The following SLTM variants were observed in gnomAD, a reference collection of about 807,000 sequenced individuals.
SLTM encodes SAFB like transcription modulator, also known as SAFB-like transcription modulator.
A neutral mutation model predicts 134.6 loss-of-function variants in SLTM; 43 were observed. That is an observed-to-expected ratio of 0.32 (90% CI 0.25 to 0.41). SLTM has a LOEUF of 0.41. SLTM is among the 10% of genes least tolerant of loss of function. The pLI is 1.00. For synonymous variants in SLTM, 424 were observed against 432.3 expected, an observed-to-expected ratio of 0.98 and a Z score of 0.24; for missense variants, 1,055 against 1,288.8, an observed-to-expected ratio of 0.82 and a Z score of 2.78.
intron 5 of SLTM, among the ~76,000 whole-genome samples, chr15:58,911,688 T>C (rs2036278303): frequency 2.0e-5 from 3 of 152,198 alleles, no homozygotes; most frequent in Admixed American, 6.5e-5. Flanking sequence ...TAGAAACTGA[T>C]CTATAGATGT....
rs538795846 is a variant in SLTM, at chr15:58,917,154, A to C, written c.251-155T>G. ...TAAACCACCTGCTCAGAGCTGTCCC[A>C]AACAAAAAAAGCTTTCCTATGTCAT... On this transcript the variant is annotated intron_variant, in intron 2 of 20. Coordinates refer to ENST00000380516, the MANE Select transcript of SLTM (RefSeq NM_024755.4). 713 of 628,964 alleles carry C rather than the reference A, an allele frequency of 1.1e-3. 2 individuals are homozygous for C. The highest frequency in any genetic ancestry group is 1.5e-3 in the Non-Finnish European group (570 of 368,414). The allele number at this position is 628,964 out of a possible 1,614,324, so 39.0% of individuals were successfully genotyped here.
chr15:58,907,379 T>C (rs78733923), intron 5 of SLTM, among the ~76,000 whole-genome samples: 3,366 of 152,254 alleles, frequency 0.022, 66 homozygotes, highest in Non-Finnish European at 0.034. Flanking sequence ...CCAAATACTT[T>C]GGGAGGCCGA....
intron 5 of SLTM, among the ~76,000 whole-genome samples, chr15:58,907,090 G>C (rs2035914000): frequency 6.6e-6 from 1 of 152,132 alleles, no homozygotes; most frequent in African/African-American, 2.4e-5. Context: ...TAAGGTAATG[G>C]ATATAAAAAG....
chr15:58,932,193 CA>C, intron 2 of SLTM, 162 bp downstream of exon 2: 1 of 595,996 alleles, frequency 1.7e-6, no homozygotes, highest in South Asian at 2.0e-5. Flanking sequence ...ACAAGTCACC[CA>C]AAGCCTGGCA....
chr15:58,899,380 C>T lies in SLTM; in HGVS notation c.1058+89G>A, dbSNP rs1224706434. 4 of 1,006,688 alleles carry T rather than the reference C, an allele frequency of 4.0e-6. No individual in the cohort carries two copies. The highest frequency in any genetic ancestry group is 1.5e-6 in the Non-Finnish European group (1 of 658,790). The allele number at this position is 1,006,688 out of a possible 1,614,324, so 62.4% of individuals were successfully genotyped here. A position where few individuals can be genotyped will look rare whatever the true frequency, so the allele number is the denominator to read the frequency against. On this transcript the variant is annotated intron_variant, in intron 7 of 20. Coordinates refer to ENST00000380516, the MANE Select transcript of SLTM (RefSeq NM_024755.4). This position sits in a 1 kb window ranked among gnomAD's most constrained non-coding sequence, Gnocchi z 5.0. ...GGATCATAAGACACTAATTACTGTA[C>T]ATGTTCTTGAAGCCACCCCCTTAAT...
At chr15:58,913,246 T>C (rs1301091090) in intron 4 of SLTM, among the ~76,000 whole-genome samples, 7 of 152,126 alleles carry the variant, frequency 4.6e-5, no homozygotes, top group African/African-American at 1.7e-4. Context: ...ATTATGAAAT[T>C]ATACGTCATG....
intron 2 of SLTM, among the ~76,000 whole-genome samples, chr15:58,920,981 A>T (rs1466316604): frequency 3.9e-5 from 6 of 152,276 alleles, no homozygotes; most frequent in African/African-American, 1.4e-4. Context: ...AAAAATTTTT[A>T]AAATAAAGGT....
intron 3 of SLTM, among the ~76,000 whole-genome samples, chr15:58,914,495 G>C (rs1036080566): frequency 6.6e-6 from 1 of 152,230 alleles, no homozygotes; most frequent in Admixed American, 6.5e-5. Flanking sequence ...GGTGGGCATA[G>C]AGAATATGAC....
intron 2 of SLTM, among the ~76,000 whole-genome samples, chr15:58,924,672 A>T (rs1049393417): frequency 6.6e-6 from 1 of 152,168 alleles, no homozygotes; most frequent in Non-Finnish European, 1.5e-5. Context: ...TTGGATGATA[A>T]ATTGGCTTTC....
intron 14 of SLTM, among the ~76,000 whole-genome samples, 159 bp downstream of exon 14, chr15:58,892,738 G>C (rs570278908): frequency 1.3e-5 from 2 of 152,324 alleles, no homozygotes; most frequent in South Asian, 2.1e-4. Context: ...AAATTGTAAA[G>C]TGCTATGCAA....
chr15:58,906,493 A>G (rs1400834139), intron 5 of SLTM, among the ~76,000 whole-genome samples: 2 of 152,218 alleles, frequency 1.3e-5, no homozygotes, highest in African/African-American at 4.8e-5. Context: ...AGAGACAAAG[A>G]CAAGCCTAGG....
chr15:58,925,373 T>C (rs961356720), intron 2 of SLTM, among the ~76,000 whole-genome samples: 2 of 152,230 alleles, frequency 1.3e-5, no homozygotes, highest in Non-Finnish European at 2.9e-5. Context: ...GGTCTTACTC[T>C]ATTGCCCAGG....
intron 3 of SLTM, among the ~76,000 whole-genome samples, chr15:58,914,036 T>C (rs891695756): frequency 6.6e-6 from 1 of 152,236 alleles, no homozygotes; most frequent in African/African-American, 2.4e-5. Context: ...ATGTGCCATA[T>C]GTTGATTTAA....
At chr15:58,898,731 C>A (rs10518991) in intron 8 of SLTM, 72 bp downstream of exon 8, 1 of 1,153,746 alleles carries the variant, frequency 8.7e-7, no homozygotes, top group Non-Finnish European at 1.3e-6. Flanking sequence ...AAGAAAACAC[C>A]GCGCAACTAC....
chr15:58,928,674 A>T (rs1841585782), intron 2 of SLTM, among the ~76,000 whole-genome samples: 1 of 152,182 alleles, frequency 6.6e-6, no homozygotes, highest in South Asian at 2.1e-4. Context: ...GTTATTTTAT[A>T]AAAGAATAAG....
chr15:58,879,735 A>G lies in SLTM; in HGVS notation c.*264T>C. The G allele has an allele frequency of 5.9e-6, 2 of 338,234 alleles. No individual in the cohort carries two copies. Among genetic ancestry groups the G allele is most frequent in the Non-Finnish European group, 1.1e-5 (2 of 184,960 alleles). The allele number at this position is 338,234 out of a possible 1,614,324, so 21.0% of individuals were successfully genotyped here. On this transcript the variant is annotated 3_prime_UTR_variant, in exon 21 of 21. Coordinates refer to ENST00000380516, the MANE Select transcript of SLTM (RefSeq NM_024755.4). Reference sequence around the variant, plus strand: ...ACTCTTTATATTCACACAGCGTTAAACAAAACGACTTCAATTCCATCTTTT... The same window carrying G: ...ACTCTTTATATTCACACAGCGTTAAGCAAAACGACTTCAATTCCATCTTTT...
intron 6 of SLTM, 142 bp from the exon 7 acceptor site, chr15:58,900,079 G>A: frequency 7.8e-6 from 5 of 643,278 alleles, no homozygotes; most frequent in Admixed American, 6.0e-5. Flanking sequence ...AAAACACAAG[G>A]GTATTAACTA....
Position 58,899,706 on chromosome 15 carries a change from GA to G in SLTM, c.820del (p.Ser274LeufsTer26). On this transcript the variant is annotated frameshift_variant, in exon 7 of 21. Transcript: ENST00000380516. LOFTEE classifies it high-confidence loss of function. The surrounding 1 kb of genome is among the most constrained non-coding windows in gnomAD (Gnocchi z 5.0). The stretch of plus-strand genomic sequence containing the variant: ...CCCATCTTTTGGCTTACTTGCTTCA[GA>G]ATCTGTAATTTTCACATTTTTACCT... ...ETGKNVKITD[S>X]EASKPKDGQD... 6.2e-7 allele frequency: 1 copy of G among 1,614,100 alleles called. No homozygotes were observed. The highest frequency in any genetic ancestry group is 8.5e-7 in the Non-Finnish European group (1 of 1,179,994).
In SLTM at chr15:58,883,458, C is replaced by T. The variant is rs1448948152; in HGVS notation, c.2996+168G>A. 16 of 798,898 alleles carry T rather than the reference C, an allele frequency of 2.0e-5. 1 individual carries two copies. In the South Asian group the frequency reaches 2.2e-4, roughly 11 times the overall value. 49.5% of individuals were successfully genotyped at this position (798,898 alleles called of 1,614,324 possible). ...ATACAAACTAACACATTAATATCAG[C>T]TGTTCTGCAAACACTCTTTTGGAGA... is the stretch of plus-strand genomic sequence containing the variant. On this transcript the variant is annotated intron_variant, in intron 20 of 20. Coordinates refer to ENST00000380516, the MANE Select transcript of SLTM (RefSeq NM_024755.4).
Sources: gnomAD v4.1 joint callset for allele counts (sites outside exome capture counted in the v4.1 genomes callset) on GRCh38, gnomAD v4.1.1 for gene constraint, Gnocchi (gnomAD v3.1) non-coding constraint, MANE v1.5 for transcripts, NCBI Gene and HGNC (gene_info 2026-07-23, HGNC 2026-07-21) for gene names.